The following CRTC3 variants were observed in gnomAD, a reference collection of about 807,000 sequenced individuals.
CRTC3 encodes the protein CREB-regulated transcription coactivator 3.
Under a neutral mutation model 74.5 loss-of-function variants are expected in CRTC3, and 26 were observed. The observed-to-expected ratio is 0.35, with a 90% CI of 0.26 to 0.48. The LOEUF is 0.48. Among genes scored for constraint, CRTC3 ranks in the 20% least tolerant of loss-of-function variants. CRTC3 has a pLI of 0.99. For synonymous variants in CRTC3, 377 were observed against 325.8 expected (o/e 1.16, Z -1.69); for missense variants, 760 against 787.3 (o/e 0.97, Z 0.41).
rs1969526265 is a variant in CRTC3, at chr15:90,643,597, CT to C, written c.*1458del. On this transcript the variant is annotated 3_prime_UTR_variant, in exon 15 of 15. Coordinates refer to ENST00000268184, the MANE Select transcript of CRTC3 (RefSeq NM_022769.5). ...AAATAGTTTATAGTAAAACGAAGGCCTAATTCATGGAAGCATCATTAGTCAT... is the reference window on the plus strand; with the variant it reads ...AAATAGTTTATAGTAAAACGAAGGCCAATTCATGGAAGCATCATTAGTCAT... 2 of 230,350 alleles carry C rather than the reference CT, an allele frequency of 8.7e-6. No homozygotes were observed. The highest frequency in any genetic ancestry group is 1.2e-4 in the East Asian group (2 of 16,312). The allele number at this position is 230,350 out of a possible 1,614,324, so 14.3% of individuals were successfully genotyped here.
chr15:90,572,161 CAA>C (rs56906718), intron 2 of CRTC3, among the ~76,000 whole-genome samples: 6,954 of 124,316 alleles, frequency 0.056, 299 homozygotes, highest in East Asian at 0.15. Flanking sequence ...GATTCTTTCT[CAA>C]AAAAAAAAAA....
At chr15:90,570,161 T>C (rs1321424876) in intron 2 of CRTC3, among the ~76,000 whole-genome samples, 1 of 152,216 alleles carries the variant, frequency 6.6e-6, no homozygotes, top group African/African-American at 2.4e-5. Flanking sequence ...TAGTGTCTTT[T>C]TGACATTGCC....
chr15:90,640,602 A>G (rs1969402331), intron 13 of CRTC3, among the ~76,000 whole-genome samples: 1 of 152,018 alleles, frequency 6.6e-6, no homozygotes, highest in East Asian at 1.9e-4. Flanking sequence ...GGATTGCTTG[A>G]GCCTGGGAGC....
At chr15:90,590,262 C>T (rs1456477246) in intron 2 of CRTC3, among the ~76,000 whole-genome samples, 1 of 151,912 alleles carries the variant, frequency 6.6e-6, no homozygotes, top group Non-Finnish European at 1.5e-5. Context: ...CACTTCACTC[C>T]AGCCTGGGTG....
At chr15:90,614,906 A>T (rs987476474) in intron 7 of CRTC3, among the ~76,000 whole-genome samples, 1 of 152,066 alleles carries the variant, frequency 6.6e-6, no homozygotes. Flanking sequence ...TCTACTAAAA[A>T]TACAAAAATT....
intron 2 of CRTC3, among the ~76,000 whole-genome samples, chr15:90,545,629 T>G (rs183735439): frequency 6.6e-6 from 1 of 151,864 alleles, no homozygotes; most frequent in Non-Finnish European, 1.5e-5. Context: ...CAGGCTGGAG[T>G]GCAGTGGCAC....
intron 10 of CRTC3, among the ~76,000 whole-genome samples, chr15:90,628,626 A>AAAAACTTCCTTTTCCCTGAGTTGG (rs1263070115): frequency 6.6e-6 from 1 of 152,228 alleles, no homozygotes; most frequent in African/African-American, 2.4e-5. Context: ...AAGCACCAGC[A>AAAAACTTCCTTTTCCCTGAGTTGG]AAAACTTCCT....
At chr15:90,580,815 G>C (rs1047937039) in intron 2 of CRTC3, among the ~76,000 whole-genome samples, 4 of 152,124 alleles carry the variant, frequency 2.6e-5, no homozygotes, top group African/African-American at 4.8e-5. Context: ...GGCTTTAACT[G>C]AGATTAAATG....
intron 2 of CRTC3, among the ~76,000 whole-genome samples, chr15:90,570,013 G>A (rs1242173162): frequency 6.6e-6 from 1 of 152,108 alleles, no homozygotes; most frequent in South Asian, 2.1e-4. Flanking sequence ...AATTATGAAT[G>A]TAAAGACTTC....
At position 90,638,370 on chromosome 15, in the gene CRTC3, G is replaced by A. The variant is rs1239323887; in HGVS notation, c.1267-76G>A. 9 of 1,299,756 alleles carry A rather than the reference G, an allele frequency of 6.9e-6. No individual in the cohort carries two copies. The African/African-American group carries it at 1.2e-4, about 17-fold the overall frequency. 80.5% of individuals were successfully genotyped at this position (1,299,756 alleles called of 1,614,324 possible). On this transcript the variant is annotated intron_variant, in intron 11 of 14. Coordinates refer to ENST00000268184, the MANE Select transcript of CRTC3 (RefSeq NM_022769.5). ...AAAATCTCAGGCTTCCTCTCACTCT[G>A]ACATTTCCTAATCCTAAAGGACTTA...
At chr15:90,546,209 A>T (rs1966844041) in intron 2 of CRTC3, among the ~76,000 whole-genome samples, 1 of 152,022 alleles carries the variant, frequency 6.6e-6, no homozygotes, top group South Asian at 2.1e-4. Context: ...TTATGAGTTA[A>T]TTTTTTTGTG....
intron 2 of CRTC3, among the ~76,000 whole-genome samples, chr15:90,576,471 G>A (rs28623151): frequency 0.074 from 11,207 of 151,832 alleles, 1,385 homozygotes; most frequent in African/African-American, 0.26. Context: ...TTGAGTTTGA[G>A]GTGCCTGCAG....
rs1453942158 is a variant in CRTC3, at chr15:90,644,038, C to G, written c.*1898C>G. ...TCTTTAAAATAACCCTCATGGGGTG[C>G]CCCTCCACCTTCCTCTGGAATCCAA... On this transcript the variant is annotated 3_prime_UTR_variant, in exon 15 of 15. Transcript: ENST00000268184. The G allele has an allele frequency of 8.6e-6, 2 of 231,458 alleles. No homozygotes were observed. The highest frequency in any genetic ancestry group is 1.7e-5 in the Non-Finnish European group (2 of 117,022). 14.3% of individuals were successfully genotyped at this position (231,458 alleles called of 1,614,324 possible).
At chr15:90,590,739 G>C (rs1967780406) in intron 2 of CRTC3, among the ~76,000 whole-genome samples, 1 of 152,194 alleles carries the variant, frequency 6.6e-6, no homozygotes, top group Admixed American at 6.5e-5. Context: ...TCTTTGAGAA[G>C]TAATTGAGAA....
At chr15:90,552,887 A>T (rs1054796104) in intron 2 of CRTC3, among the ~76,000 whole-genome samples, 2 of 152,144 alleles carry the variant, frequency 1.3e-5, no homozygotes, top group Admixed American at 6.5e-5. Flanking sequence ...TTTGCTCAGA[A>T]CTTAAATGTG....
chr15:90,577,965 A>G (rs1373238298), intron 2 of CRTC3, among the ~76,000 whole-genome samples: 1 of 152,168 alleles, frequency 6.6e-6, no homozygotes, highest in East Asian at 1.9e-4. Context: ...ACTGGAGTGC[A>G]GTGGCACGAT....
At chr15:90,593,190 T>C (rs937653672) in intron 2 of CRTC3, among the ~76,000 whole-genome samples, 2 of 152,204 alleles carry the variant, frequency 1.3e-5, no homozygotes, top group Admixed American at 6.5e-5. Flanking sequence ...GACTTTTCCC[T>C]AGAATCCTCA....
chr15:90,630,666 T>G (rs542749347), intron 11 of CRTC3, among the ~76,000 whole-genome samples: 74 of 151,938 alleles, frequency 4.9e-4, no homozygotes, highest in Non-Finnish European at 9.6e-4. Flanking sequence ...ATCCTATAAA[T>G]TCTAAACTCA....
rs575666198 is a variant in CRTC3, at chr15:90,603,335, C to T, written c.413+950C>T. 1.2e-4 allele frequency among the ~76,000 whole-genome samples: 18 copies of T among 149,398 alleles called. No homozygotes were observed. In the South Asian group the frequency reaches 1.5e-3, roughly 12 times the overall value. ...GCAGGCGCCTGTAGTCCCAGCTACT[C>T]GGGAGGCTGAGGCAGGAGAATGGCG... On this transcript the variant is annotated intron_variant, in intron 4 of 14. Transcript: ENST00000268184.
Sources: gnomAD v4.1 joint callset for allele counts (sites outside exome capture counted in the v4.1 genomes callset) on GRCh38, gnomAD v4.1.1 for gene constraint, MANE v1.5 for transcripts, NCBI Gene and HGNC (gene_info 2026-07-23, HGNC 2026-07-21) for gene names.